Variants in PSPH observed in about 807,000 individuals in gnomAD.
PSPH encodes the protein phosphoserine phosphatase.
A neutral mutation model predicts 23.4 loss-of-function variants in PSPH; 16 were observed. The observed-to-expected ratio is 0.68, with a 90% CI of 0.46 to 1.04. The LOEUF (loss-of-function observed/expected upper bound fraction) is 1.04, where lower values mean the gene tolerates loss of function less well. PSPH is among the 50% of genes least tolerant of loss of function. The probability of loss-of-function intolerance (pLI) is 0.00; values close to 1 mark genes in which losing one functional copy is unlikely to be tolerated. For synonymous variants in PSPH, 68 were observed against 99.7 expected (o/e 0.68, Z 1.89); for missense variants, 223 against 273.7 (o/e 0.81, Z 1.31).
intron 1 of PSPH, among the ~76,000 whole-genome samples, chr7:56,045,927 C>T (rs375201356): frequency 6.7e-6 from 1 of 150,000 alleles, no homozygotes; most frequent in African/African-American, 2.4e-5. Context: ...TCTCCTGTGT[C>T]AGAGACAAAG....
chr7:56,034,723 A>C (rs2116971771), intron 1 of PSPH, among the ~76,000 whole-genome samples: 1 of 152,102 alleles, frequency 6.6e-6, no homozygotes, highest in East Asian at 1.9e-4. Context: ...TCACCGTGTT[A>C]GCCAGGATGG....
In PSPH at chr7:56,045,340, G is replaced by C. The variant is rs76347847; in HGVS notation, c.-292+5798C>G. Among the ~76,000 whole-genome samples, 1,266 of 152,084 alleles carry C rather than the reference G, an allele frequency of 8.3e-3. 38 individuals are homozygous for C. In the East Asian group the frequency reaches 0.11, roughly 14 times the overall value. On this transcript the variant is annotated intron_variant, in intron 1 of 7. Transcript: ENST00000275605. ...AGCAACATAGCTTTTCAGAGAACTT[G>C]TCTCTGCAAAAAAATTAGCCAGGCA...
intron 3 of PSPH, among the ~76,000 whole-genome samples, chr7:56,022,492 T>C (rs1789602503): frequency 6.6e-6 from 1 of 151,872 alleles, no homozygotes; most frequent in South Asian, 2.1e-4. Context: ...GAGGGAGGCT[T>C]GTGATGGCAG....
chr7:56,038,902 G>A (rs577614383), intron 1 of PSPH, among the ~76,000 whole-genome samples: 6 of 152,158 alleles, frequency 3.9e-5, no homozygotes, highest in Middle Eastern at 3.4e-3. Flanking sequence ...ACAGCACTTT[G>A]AGAGGCTGAG....
intron 6 of PSPH, 21 bp downstream of exon 6, chr7:56,017,213 A>G (rs1401799322): frequency 1.9e-6 from 3 of 1,613,720 alleles, no homozygotes; most frequent in African/African-American, 1.3e-5. Context: ...GAAAGGGAAC[A>G]TGTTACTGTT....
intron 1 of PSPH, among the ~76,000 whole-genome samples, chr7:56,050,492 C>T (rs1793875957): frequency 6.6e-6 from 1 of 152,162 alleles, no homozygotes; most frequent in African/African-American, 2.4e-5. Flanking sequence ...TCTTGAACTC[C>T]CGGGCACAAG....
chr7:56,031,228 AAAAC>A (rs1379904650), intron 3 of PSPH, among the ~76,000 whole-genome samples: 6 of 151,692 alleles, frequency 4.0e-5, no homozygotes, highest in African/African-American at 7.3e-5. Flanking sequence ...AAAAAAAAAA[AAAAC>A]AAACAAAACA....
intron 3 of PSPH, among the ~76,000 whole-genome samples, chr7:56,031,072 G>A (rs1384715865): frequency 1.6e-4 from 24 of 151,022 alleles, no homozygotes; most frequent in Non-Finnish European, 3.0e-4. Context: ...TTAGCCGGGC[G>A]CGGTGGCGGG....
At chr7:56,019,772 G>C (rs77534057) in intron 4 of PSPH, 38 bp from the exon 5 acceptor site, 1 of 1,553,816 alleles carries the variant, frequency 6.4e-7, no homozygotes, top group Non-Finnish European at 8.7e-7. Context: ...AGCCAGGTCC[G>C]ATGTCCTCAA....
rs781236749 is a variant in PSPH, at chr7:56,019,770, C to G, written c.141-36G>C. ...GACCCAACAGTCAGGCCAGCCAGGT[C>G]CGATGTCCTCAAGGTTAACATGCCT... On this transcript the variant is annotated intron_variant, in intron 4 of 7. Coordinates refer to ENST00000275605, the MANE Select transcript of PSPH (RefSeq NM_004577.4). 3 of 1,609,852 alleles carry G rather than the reference C, an allele frequency of 1.9e-6. No individual in the cohort carries two copies. The African/African-American group carries it at 4.0e-5, about 21-fold the overall frequency.
intron 7 of PSPH, among the ~76,000 whole-genome samples, chr7:56,012,122 C>A (rs1170581534): frequency 1.3e-5 from 2 of 151,628 alleles, no homozygotes. Context: ...CTGCTCTCAA[C>A]CTCCTCCTGC....
intron 1 of PSPH, among the ~76,000 whole-genome samples, chr7:56,037,173 C>CA (rs35759842): frequency 0.28 from 22,823 of 82,844 alleles, 2,370 homozygotes; most frequent in East Asian, 0.49. Context: ...GACTCTGTCT[C>CA]AAAAAAAAAA....
At chr7:56,025,522 G>A (rs1341836777) in intron 3 of PSPH, among the ~76,000 whole-genome samples, 2 of 151,910 alleles carry the variant, frequency 1.3e-5, no homozygotes, top group Non-Finnish European at 2.9e-5. Context: ...GCCTCCCAAA[G>A]TGCTGGAACT....
chr7:56,025,539 G>A (rs552730731), intron 3 of PSPH, among the ~76,000 whole-genome samples: 23 of 151,724 alleles, frequency 1.5e-4, no homozygotes, highest in Admixed American at 1.2e-3. Context: ...AACTACAGGC[G>A]TGAGCAACTG....
chr7:56,015,002 A>T, intron 7 of PSPH, 21 bp downstream of exon 7: 2 of 1,587,584 alleles, frequency 1.3e-6, no homozygotes, highest in Non-Finnish European at 1.7e-6. Context: ...CTGAAAAAAA[A>T]TTAGCACCCT....
At chr7:56,012,647 G>A (rs752947912) in intron 7 of PSPH, among the ~76,000 whole-genome samples, 4 of 151,440 alleles carry the variant, frequency 2.6e-5, no homozygotes, top group African/African-American at 4.8e-5. Flanking sequence ...AAAGGCGGCT[G>A]GGTGTGGTAG....
chr7:56,034,039 G>A lies in PSPH; in HGVS notation c.-224C>T, dbSNP rs1189614729. On this transcript the variant is annotated 5_prime_UTR_variant, in exon 2 of 8. Coordinates refer to ENST00000275605, the MANE Select transcript of PSPH (RefSeq NM_004577.4). Reference sequence around the variant, plus strand: ...GGCCAGCGCCGGCTCCGACGCTCGGGCGAGCAGTTCCCAGGGAGGTGAGCT... The same window carrying A: ...GGCCAGCGCCGGCTCCGACGCTCGGACGAGCAGTTCCCAGGGAGGTGAGCT... 6.5e-6 allele frequency: 1 copy of A among 152,698 alleles called. No homozygotes were observed. The highest frequency in any genetic ancestry group is 1.5e-5 in the Non-Finnish European group (1 of 68,426). The allele number at this position is 152,698 out of a possible 1,614,324, so 9.5% of individuals were successfully genotyped here.
At chr7:56,018,818 A>G (rs1302270959) in intron 5 of PSPH, among the ~76,000 whole-genome samples, 1 of 151,900 alleles carries the variant, frequency 6.6e-6, no homozygotes, top group African/African-American at 2.4e-5. Flanking sequence ...ATTAAAAAAA[A>G]AAAAAATTAG....
chr7:56,033,605 A>G (rs1253664421), intron 2 of PSPH: 6 of 152,096 alleles, frequency 3.9e-5, no homozygotes, highest in Admixed American at 3.9e-4. Context: ...CTGTATCGTT[A>G]TAACAATGTA....
Sources: allele counts gnomAD v4.1 joint callset (sites outside exome capture counted in the v4.1 genomes callset), GRCh38; gene constraint gnomAD v4.1.1; transcripts MANE v1.5; gene names NCBI Gene and HGNC (gene_info 2026-07-23, HGNC 2026-07-21).